The following COG2 variants were observed in gnomAD, a reference collection of about 807,000 sequenced individuals.
The protein encoded by COG2 is conserved oligomeric Golgi complex subunit 2.
COG2 carries 52 observed loss-of-function variants against 90.6 expected under a neutral mutation model. The observed-to-expected ratio is 0.57, with a 90% CI of 0.46 to 0.72. COG2 has a LOEUF of 0.72. COG2 is among the 30% of genes least tolerant of loss of function. COG2 has a pLI of 0.00. For missense variants in COG2, 829 were observed against 891.2 expected (o/e 0.93, Z 0.89); for synonymous variants, 337 against 320.4 (o/e 1.05, Z -0.55).
intron 1 of COG2, among the ~76,000 whole-genome samples, chr1:230,643,654 T>C (rs1661684429): frequency 6.6e-6 from 1 of 152,202 alleles, no homozygotes; most frequent in Non-Finnish European, 1.5e-5. Context: ...TCTCCAAAGC[T>C]GTTTTTTTTT....
intron 12 of COG2, among the ~76,000 whole-genome samples, chr1:230,686,545 G>T (rs1465217412): frequency 1.3e-5 from 2 of 152,044 alleles, no homozygotes; most frequent in Non-Finnish European, 2.9e-5. Context: ...TTTGGATTTT[G>T]ATATTTTACC....
chr1:230,645,402 T>G (rs1661745017), intron 1 of COG2, among the ~76,000 whole-genome samples: 1 of 152,174 alleles, frequency 6.6e-6, no homozygotes, highest in Non-Finnish European at 1.5e-5. Context: ...CATATCCTTC[T>G]GTCTCACGTA....
At chr1:230,662,044 T>A (rs536796176) in intron 3 of COG2, among the ~76,000 whole-genome samples, 4 of 151,950 alleles carry the variant, frequency 2.6e-5, no homozygotes, top group Non-Finnish European at 5.9e-5. Context: ...TCCTCTCCTC[T>A]CCTCTTCTCT....
intron 5 of COG2, among the ~76,000 whole-genome samples, chr1:230,666,428 C>T (rs1040697721): frequency 6.6e-6 from 1 of 152,140 alleles, no homozygotes; most frequent in African/African-American, 2.4e-5. Flanking sequence ...TCGTTTCAGG[C>T]AGTGGCCTCC....
intron 5 of COG2, among the ~76,000 whole-genome samples, chr1:230,668,189 G>C (rs1418607790): frequency 2.0e-5 from 3 of 151,984 alleles, no homozygotes; most frequent in African/African-American, 7.3e-5. Context: ...AGTGAGGCAG[G>C]CAGAGAAGTA....
intron 8 of COG2, among the ~76,000 whole-genome samples, chr1:230,673,958 A>G (rs1346699327): frequency 6.6e-6 from 1 of 152,208 alleles, no homozygotes; most frequent in African/African-American, 2.4e-5. Flanking sequence ...TGACATGGCA[A>G]CTTAGCTACA....
chr1:230,692,837 G>A (rs1450886773), intron 17 of COG2, among the ~76,000 whole-genome samples: 1 of 151,748 alleles, frequency 6.6e-6, no homozygotes, highest in East Asian at 1.9e-4. Context: ...GCCATGTCTC[G>A]GTGACCAAAA....
chr1:230,665,905 C>T (rs1036861463), intron 5 of COG2, among the ~76,000 whole-genome samples: 3 of 152,172 alleles, frequency 2.0e-5, no homozygotes, highest in African/African-American at 7.2e-5. Context: ...TTTCCTCCTT[C>T]CCCATTCCTA....
chr1:230,654,766 T>C (rs1458928317), intron 1 of COG2, among the ~76,000 whole-genome samples: 1 of 152,258 alleles, frequency 6.6e-6, no homozygotes, highest in African/African-American at 2.4e-5. Flanking sequence ...TCCTCTCTTA[T>C]TTCCTTGAGC....
intron 7 of COG2, chr1:230,671,024 T>C (rs371285963): frequency 1.1e-4 from 16 of 152,182 alleles, no homozygotes; most frequent in African/African-American, 3.9e-4. Context: ...AGTAGCCACA[T>C]TGTGTTTTAT....
At chr1:230,673,391 T>A (rs1662504220) in intron 8 of COG2, among the ~76,000 whole-genome samples, 1 of 152,242 alleles carries the variant, frequency 6.6e-6, no homozygotes, top group Non-Finnish European at 1.5e-5. Context: ...GCTCCCCTTG[T>A]CACTCCTTTC....
chr1:230,682,489 A>T (rs947721867), intron 10 of COG2: 5 of 152,258 alleles, frequency 3.3e-5, no homozygotes, highest in African/African-American at 1.2e-4. Flanking sequence ...GGGCAATTAG[A>T]GTTCCTTTCC....
At chr1:230,656,089 T>C (rs576376680) in intron 1 of COG2, among the ~76,000 whole-genome samples, 1 of 152,306 alleles carries the variant, frequency 6.6e-6, no homozygotes, top group East Asian at 1.9e-4. Context: ...TGAAGGGTTT[T>C]TCGTGTCTCT....
Position 230,660,843 on chromosome 1 carries a change from TCAAA to T in COG2, c.300+23_300+26del, listed in dbSNP as rs1352508978. ...GTTCTGGTAAGTTTCCCGAATAACA[TCAAA>T]CAGTTTACCCTAAAGCATGATATGC... On this transcript the variant is annotated intron_variant, in intron 3 of 17. Coordinates refer to ENST00000366669, the MANE Select transcript of COG2 (RefSeq NM_007357.3). 14 of 1,526,478 alleles carry T rather than the reference TCAAA, an allele frequency of 9.2e-6. No homozygotes were observed. Among genetic ancestry groups the T allele is most frequent in the African/African-American group, 1.4e-5 (1 of 71,046 alleles). 94.6% of individuals were successfully genotyped at this position (1,526,478 alleles called of 1,614,324 possible).
chr1:230,669,488 G>T lies in COG2; in HGVS notation c.727G>T (p.Ala243Ser), dbSNP rs201839796. The T allele has an allele frequency of 1.7e-5, 27 of 1,613,926 alleles. No homozygotes were observed. Among genetic ancestry groups the T allele is most frequent in the African/African-American group, 2.7e-5 (2 of 74,922 alleles). ...TYATIDKTRD[A>S]EALVGQVLVK... is the part of the protein sequence containing the mutation. Reference sequence around the variant, plus strand: ...CGCCACGATTGACAAGACACGGGACGCGGAGGCCTTAGTTGGCCAAGTACT... The same window carrying T: ...CGCCACGATTGACAAGACACGGGACTCGGAGGCCTTAGTTGGCCAAGTACT... The change falls in exon 7 of 18, where the codon GCG (alanine) becomes TCG (serine). Residue 243 changes from alanine (A) to serine (S), a missense_variant. Ala to Ser is a moderately conservative substitution (Grantham distance 99). Coordinates refer to ENST00000366669, the MANE Select transcript of COG2 (RefSeq NM_007357.3).
chr1:230,653,024 A>G (rs1401150004), intron 1 of COG2, among the ~76,000 whole-genome samples: 3 of 151,954 alleles, frequency 2.0e-5, no homozygotes, highest in South Asian at 2.1e-4. Flanking sequence ...CTTAAGATCT[A>G]CTCTCTTAGC....
At chr1:230,645,333 G>C (rs568562399) in intron 1 of COG2, among the ~76,000 whole-genome samples, 4 of 152,116 alleles carry the variant, frequency 2.6e-5, no homozygotes, top group African/African-American at 4.8e-5. Context: ...TAGTAGGAGA[G>C]AGGTGGTAGG....
intron 10 of COG2, 179 bp from the exon 11 acceptor site, chr1:230,683,394 GA>G: frequency 1.9e-6 from 1 of 531,258 alleles, no homozygotes; most frequent in South Asian, 2.3e-5. Context: ...GCTTAGTCAC[GA>G]TTTCTTGTTC....
At chr1:230,668,893 A>AT in intron 6 of COG2, 109 bp downstream of exon 6, 20 of 679,502 alleles carry the variant, frequency 2.9e-5, no homozygotes, top group Non-Finnish European at 3.8e-5. Context: ...CTAACCTTGC[A>AT]TTTTTTTTCA....
Sources: allele counts gnomAD v4.1 joint callset (sites outside exome capture counted in the v4.1 genomes callset), GRCh38; gene constraint gnomAD v4.1.1; transcripts MANE v1.5; gene names NCBI Gene and HGNC (gene_info 2026-07-23, HGNC 2026-07-21).